Variants in ADAM32 observed in about 807,000 individuals in gnomAD.
ADAM32 encodes the protein disintegrin and metalloproteinase domain-containing protein 32.
A neutral mutation model predicts 114.9 loss-of-function variants in ADAM32; 89 were observed. The ratio of observed to expected loss-of-function variants is 0.77; its 90% CI spans 0.65 to 0.92. ADAM32 has a LOEUF of 0.92. Among genes scored for constraint, ADAM32 ranks in the 40% least tolerant of loss-of-function variants. ADAM32 has a pLI of 0.00. For missense variants in ADAM32, 870 were observed against 932.8 expected (o/e 0.93, Z 0.88); for synonymous variants, 285 against 307.5 (o/e 0.93, Z 0.77).
intron 6 of ADAM32, among the ~76,000 whole-genome samples, chr8:39,160,507 T>C (rs1168382963): frequency 1.7e-5 from 2 of 114,834 alleles, no homozygotes; most frequent in African/African-American, 3.4e-5. Context: ...GCCACTGCAC[T>C]ATAGCCTGGG....
intron 9 of ADAM32, chr8:39,169,392 T>TC (rs1050312422): frequency 2.0e-5 from 3 of 152,294 alleles, no homozygotes; most frequent in Non-Finnish European, 4.4e-5. Context: ...CACTAGTTTG[T>TC]TTTGAGTGTT....
At chr8:39,200,467 GTTGT>G (rs1277482112) in intron 11 of ADAM32, among the ~76,000 whole-genome samples, 3 of 152,026 alleles carry the variant, frequency 2.0e-5, no homozygotes, top group African/African-American at 4.8e-5. Context: ...TTTTGATGGG[GTTGT>G]TTGTTTCTTT....
chr8:39,176,334 T>C (rs35076533), intron 10 of ADAM32, among the ~76,000 whole-genome samples: 2,558 of 152,338 alleles, frequency 0.017, 34 homozygotes, highest in Non-Finnish European at 0.028. Flanking sequence ...ATCCTATGAA[T>C]TTCTCTCTTA....
intron 10 of ADAM32, among the ~76,000 whole-genome samples, chr8:39,174,738 T>C (rs1234558315): frequency 6.8e-6 from 1 of 147,572 alleles, no homozygotes; most frequent in Non-Finnish European, 1.5e-5. Context: ...GGTAGTTTAA[T>C]GGAAATAGCA....
chr8:39,135,973 G>T (rs958167774), intron 2 of ADAM32, among the ~76,000 whole-genome samples: 1 of 152,102 alleles, frequency 6.6e-6, no homozygotes, highest in African/African-American at 2.4e-5. Context: ...CTTATTTTCA[G>T]AGATCCTGGA....
chr8:39,277,381 G>A (rs746098481), intron 22 of ADAM32, among the ~76,000 whole-genome samples: 8 of 152,210 alleles, frequency 5.3e-5, no homozygotes, highest in Non-Finnish European at 1.2e-4. Context: ...TGGTGGCTGT[G>A]CTTTAGTGAT....
intron 14 of ADAM32, among the ~76,000 whole-genome samples, chr8:39,229,701 C>T (rs1448611741): frequency 6.6e-6 from 1 of 152,082 alleles, no homozygotes; most frequent in Non-Finnish European, 1.5e-5. Flanking sequence ...ATTTATAAAA[C>T]AATTACTAAT....
rs1458065882 is a variant in ADAM32, at chr8:39,252,748, T to C, written c.1903-1666T>C. ...GAAGGAGCAGATATTACAACTGATG[T>C]CACAGAAATTTTTTAAGAAGATACT... On this transcript the variant is annotated intron_variant, in intron 17 of 24. Coordinates refer to ENST00000379907, the MANE Select transcript of ADAM32 (RefSeq NM_145004.7). Among the ~76,000 whole-genome samples the C allele has an allele frequency of 2.6e-5, 4 of 151,490 alleles. No individual in the cohort carries two copies. In the East Asian group the frequency reaches 7.7e-4, roughly 29 times the overall value.
At chr8:39,121,054 C>G (rs538885016) in intron 2 of ADAM32, among the ~76,000 whole-genome samples, 1 of 152,084 alleles carries the variant, frequency 6.6e-6, no homozygotes, top group Non-Finnish European at 1.5e-5. Context: ...CAAAAAGGAA[C>G]AAGAACTTGA....
intron 11 of ADAM32, among the ~76,000 whole-genome samples, chr8:39,209,547 G>A (rs1010129582): frequency 4.6e-5 from 7 of 152,024 alleles, no homozygotes; most frequent in African/African-American, 7.3e-5. Flanking sequence ...GATGTATCTG[G>A]GCATTAAATA....
At chr8:39,165,923 A>C (rs925278261) in intron 9 of ADAM32, 1 of 152,008 alleles carries the variant, frequency 6.6e-6, no homozygotes, top group African/African-American at 2.4e-5. Context: ...GGTGGATTTG[A>C]GCATCTTTTC....
chr8:39,125,317 T>C (rs559283662), intron 2 of ADAM32, among the ~76,000 whole-genome samples: 150 of 152,276 alleles, frequency 9.9e-4, no homozygotes, highest in Non-Finnish European at 1.8e-3. Context: ...GGATTGTCAC[T>C]CCTTTCTTTT....
chr8:39,155,051 A>C (rs188091411), intron 6 of ADAM32, among the ~76,000 whole-genome samples: 10 of 152,344 alleles, frequency 6.6e-5, no homozygotes, highest in Admixed American at 3.9e-4. Flanking sequence ...AGCGCTCAAT[A>C]AACTAGGTAT....
chr8:39,211,254 A>T lies in ADAM32; in HGVS notation c.1163A>T (p.Lys388Ile). Residue 388 changes from lysine to isoleucine, a missense_variant, in exon 12 of 25, where the codon AAA (lysine) becomes ATA (isoleucine). Transcript: ENST00000379907. ...CLQNKPQMQKKSPKPVCGNGR... is the reference protein window; with the variant it reads ...CLQNKPQMQKISPKPVCGNGR... Reference sequence around the variant, plus strand: ...CAGAATAAGCCACAAATGCAAAAAAAATCTCCGAAACCAGTCTGTGGCAAT... The same window carrying T: ...CAGAATAAGCCACAAATGCAAAAAATATCTCCGAAACCAGTCTGTGGCAAT... 2 of 1,604,322 alleles carry T rather than the reference A, an allele frequency of 1.2e-6. No homozygotes were observed. The highest frequency in any genetic ancestry group is 1.7e-6 in the Non-Finnish European group (2 of 1,175,464).
intron 10 of ADAM32, among the ~76,000 whole-genome samples, chr8:39,181,061 C>A (rs1272932613): frequency 1.3e-5 from 2 of 152,240 alleles, no homozygotes; most frequent in African/African-American, 4.8e-5. Context: ...CTCTACCAAT[C>A]AGCAGGATGT....
chr8:39,135,585 C>G (rs552911607), intron 2 of ADAM32, among the ~76,000 whole-genome samples: 1 of 152,194 alleles, frequency 6.6e-6, no homozygotes, highest in South Asian at 2.1e-4. Flanking sequence ...CTTTGGATTT[C>G]TGGATTTCAA....
At chr8:39,161,635 G>A (rs1200004613) in intron 7 of ADAM32, among the ~76,000 whole-genome samples, 1 of 152,110 alleles carries the variant, frequency 6.6e-6, no homozygotes, top group Non-Finnish European at 1.5e-5. Context: ...CTGATGATAA[G>A]CCTTTATTTG....
chr8:39,129,389 A>T (rs1329718994), intron 2 of ADAM32, among the ~76,000 whole-genome samples: 1 of 152,054 alleles, frequency 6.6e-6, no homozygotes, highest in Non-Finnish European at 1.5e-5. Flanking sequence ...CTTCTATTCC[A>T]AATTTGTCAA....
At chr8:39,252,777 G>T (rs1467062834) in intron 17 of ADAM32, among the ~76,000 whole-genome samples, 1 of 151,518 alleles carries the variant, frequency 6.6e-6, no homozygotes, top group Non-Finnish European at 1.5e-5. Context: ...AGATACTGTG[G>T]TGTATATTTA....
Sources: gnomAD v4.1 joint callset for allele counts (sites outside exome capture counted in the v4.1 genomes callset) on GRCh38, gnomAD v4.1.1 for gene constraint, MANE v1.5 for transcripts, NCBI Gene and HGNC (gene_info 2026-07-23, HGNC 2026-07-21) for gene names.